LIPA: variants seen among roughly 807,000 people sequenced by gnomAD.
The protein encoded by LIPA is lipase A, lysosomal acid type.
LIPA carries 26 observed loss-of-function variants against 40.6 expected under a neutral mutation model. The ratio of observed to expected loss-of-function variants is 0.64; its 90% CI spans 0.47 to 0.89. The LOEUF (loss-of-function observed/expected upper bound fraction) is 0.89. LIPA is among the 40% of genes least tolerant of loss of function. LIPA has a pLI of 0.00. For synonymous variants in LIPA, 188 were observed against 168.4 expected (o/e 1.12, Z -0.90); for missense variants, 455 against 479.6 (o/e 0.95, Z 0.48).
At chr10:89,358,556 T>C (rs1264271764) in intron 2 of LIPA, among the ~76,000 whole-genome samples, 1 of 152,126 alleles carries the variant, frequency 6.6e-6, no homozygotes, top group Non-Finnish European at 1.5e-5. Context: ...ATAAAGAAAA[T>C]GTAGCTTATA....
At chr10:89,233,628 G>A (rs1047123606) in intron 3 of LIPA, among the ~76,000 whole-genome samples, 10 of 152,164 alleles carry the variant, frequency 6.6e-5, no homozygotes, top group African/African-American at 2.4e-4. Context: ...GGCCGGGCAC[G>A]GTGGCTCACG....
Position 89,378,284 on chromosome 10 carries a change from T to G in LIPA, c.61+34507A>C, listed in dbSNP as rs554721383. On this transcript the variant is annotated intron_variant, in intron 2 of 8. Transcript: ENST00000371837. ...CTGACCCTGATAGGCACCCTCAACA[T>G]GATAACCAAGAAGAGTTTAATAAGG... 5.2e-6 allele frequency: 4 copies of G among 764,208 alleles called. No individual in the cohort carries two copies. The East Asian group carries it at 1.0e-4, about 20-fold the overall frequency. 47.3% of individuals were successfully genotyped at this position (764,208 alleles called of 1,614,324 possible).
intron 1 of LIPA, chr10:89,332,509 C>G: frequency 6.3e-7 from 1 of 1,597,226 alleles, no homozygotes; most frequent in South Asian, 1.1e-5. Flanking sequence ...CATAAAAGCA[C>G]AGACCTAACA....
intron 1 of LIPA, 133 bp downstream of exon 1, chr10:89,251,604 A>T (rs897902274): frequency 5.3e-5 from 8 of 152,370 alleles, no homozygotes; most frequent in African/African-American, 1.9e-4. Context: ...CACCCCAGGC[A>T]AGACTCGCTG....
intron 1 of LIPA, among the ~76,000 whole-genome samples, chr10:89,317,664 C>T (rs889694298): frequency 6.6e-6 from 1 of 152,188 alleles, no homozygotes; most frequent in African/African-American, 2.4e-5. Context: ...TGCAGGAGAA[C>T]TTCCCCAACC....
chr10:89,336,929 A>T (rs1312761076), intron 1 of LIPA, among the ~76,000 whole-genome samples: 2 of 152,240 alleles, frequency 1.3e-5, no homozygotes, highest in African/African-American at 4.8e-5. Context: ...AGATAATGGG[A>T]ACACACTTAG....
intron 2 of LIPA, chr10:89,384,698 G>C (rs1249583141): frequency 6.2e-7 from 1 of 1,613,932 alleles, no homozygotes; most frequent in Non-Finnish European, 8.5e-7. Flanking sequence ...TGCTATGAGA[G>C]GGCTCTGAGG....
chr10:89,282,758 A>G (rs1196997957), intron 1 of LIPA, among the ~76,000 whole-genome samples: 2 of 152,246 alleles, frequency 1.3e-5, no homozygotes, highest in Non-Finnish European at 2.9e-5. Flanking sequence ...ACCACTCTTT[A>G]CAGATGAAGA....
chr10:89,323,571 A>G (rs911074797), intron 1 of LIPA, among the ~76,000 whole-genome samples: 2 of 152,142 alleles, frequency 1.3e-5, no homozygotes, highest in African/African-American at 4.8e-5. Context: ...AGGTCTAATA[A>G]ACAGCTTCAG....
intron 1 of LIPA, among the ~76,000 whole-genome samples, chr10:89,298,231 C>T (rs77968422): frequency 0.021 from 3,210 of 152,302 alleles, 104 homozygotes; most frequent in African/African-American, 0.071. Flanking sequence ...CTACCTGGTC[C>T]CACTAACACC....
intron 2 of LIPA, chr10:89,392,749 T>C (rs1282555664): frequency 1.2e-6 from 2 of 1,611,598 alleles, no homozygotes; most frequent in Non-Finnish European, 1.7e-6. Context: ...TGCCATAATG[T>C]CTAAAGTTTT....
chr10:89,259,447 G>A (rs1022500672), intron 1 of LIPA, among the ~76,000 whole-genome samples: 4 of 152,156 alleles, frequency 2.6e-5, no homozygotes, highest in Non-Finnish European at 4.4e-5. Context: ...GAAGCAGCTG[G>A]GAAACTCTTT....
Position 89,285,453 on chromosome 10 carries a change from G to C in LIPA, c.-1-37804C>G, listed in dbSNP as rs529973780. On this transcript the variant is annotated intron_variant, in intron 1 of 5. Transcript: ENST00000282673. Reference sequence around the variant, plus strand: ...AAACTCCAGTGCTGGTCACAGATTCGGGAAGACAGTCTTCCCTTGGTGTTT... The same window carrying C: ...AAACTCCAGTGCTGGTCACAGATTCCGGAAGACAGTCTTCCCTTGGTGTTT... 4.6e-5 allele frequency among the ~76,000 whole-genome samples: 7 copies of C among 152,266 alleles called. No individual in the cohort carries two copies. In the South Asian group the frequency reaches 1.5e-3, roughly 32 times the overall value.
intron 3 of LIPA, among the ~76,000 whole-genome samples, chr10:89,230,903 A>G (rs1180434372): frequency 1.3e-5 from 2 of 152,328 alleles, no homozygotes; most frequent in Non-Finnish European, 2.9e-5. Context: ...TGAGGTAAGT[A>G]TCCAGTATAG....
intron 3 of LIPA, among the ~76,000 whole-genome samples, chr10:89,229,878 A>T (rs1264808563): frequency 1.3e-5 from 2 of 152,158 alleles, no homozygotes; most frequent in Non-Finnish European, 2.9e-5. Flanking sequence ...GTGGGGGCAG[A>T]GGGTGTATGG....
intron 2 of LIPA, among the ~76,000 whole-genome samples, chr10:89,381,718 C>A (rs572037035): frequency 1.4e-4 from 22 of 152,232 alleles, no homozygotes; most frequent in East Asian, 3.9e-4. Flanking sequence ...CTCTGCCCAA[C>A]TTTGTGGTGC....
At chr10:89,307,495 C>A in intron 1 of LIPA, 1 of 791,910 alleles carries the variant, frequency 1.3e-6, no homozygotes, top group Non-Finnish European at 2.0e-6. Flanking sequence ...AGACACTGGC[C>A]ATACCACTGG....
chr10:89,315,696 C>T (rs572924085), intron 1 of LIPA, among the ~76,000 whole-genome samples: 11 of 152,298 alleles, frequency 7.2e-5, no homozygotes, highest in Middle Eastern at 6.8e-3. Context: ...CATTTTACAG[C>T]TGGGTAAACT....
Position 89,335,777 on chromosome 10 carries a change from C to T in LIPA, c.-2+6834G>A, listed in dbSNP as rs183029808. On this transcript the variant is annotated intron_variant, in intron 1 of 5. Coordinates refer to the LIPA transcript ENST00000282673. ...TGAGACTCACACTTTCTCCTTTTAA[C>T]CTTCCTAATTCACACATCAGCAAAG... Among the ~76,000 whole-genome samples the T allele has an allele frequency of 6.6e-5, 10 of 152,284 alleles. No individual in the cohort carries two copies. In the East Asian group the frequency reaches 1.4e-3, roughly 21 times the overall value.
Sources: allele counts gnomAD v4.1 joint callset (sites outside exome capture counted in the v4.1 genomes callset), GRCh38; gene constraint gnomAD v4.1.1; transcripts MANE v1.5; gene names NCBI Gene and HGNC (gene_info 2026-07-23, HGNC 2026-07-21).